SLC37A3: variants seen among roughly 807,000 people sequenced by gnomAD.
SLC37A3 encodes the protein sugar phosphate exchanger 3.
A neutral mutation model predicts 67.1 loss-of-function variants in SLC37A3; 51 were observed. The observed-to-expected ratio is 0.76, with a 90% CI of 0.61 to 0.96. SLC37A3 has a LOEUF of 0.96. Ranked by LOEUF, SLC37A3 falls within the 40% of genes least tolerant of loss-of-function variation. The probability of loss-of-function intolerance (pLI) is 0.00; values close to 1 mark genes in which losing one functional copy is unlikely to be tolerated. For missense variants in SLC37A3, 508 were observed against 603.0 expected (o/e 0.84, Z 1.65); for synonymous variants, 214 against 231.4 (o/e 0.92, Z 0.68).
At chr7:140,390,926 C>T (rs908099599) in intron 1 of SLC37A3, among the ~76,000 whole-genome samples, 1 of 152,134 alleles carries the variant, frequency 6.6e-6, no homozygotes, top group Non-Finnish European at 1.5e-5. Context: ...ATCTACAGTG[C>T]CCTTCCTTGT....
intron 3 of SLC37A3, chr7:140,380,067 T>C (rs942929882): frequency 1.5e-5 from 5 of 322,978 alleles, no homozygotes; most frequent in African/African-American, 1.1e-4. Flanking sequence ...AAAGGTGTGA[T>C]TTCTCAACAG....
chr7:140,342,486 C>T (rs1192111222), intron 13 of SLC37A3, among the ~76,000 whole-genome samples: 2 of 152,168 alleles, frequency 1.3e-5, no homozygotes, highest in Non-Finnish European at 2.9e-5. Context: ...ACTCGGCCAA[C>T]ATTCTCTTTC....
intron 14 of SLC37A3, 144 bp from the exon 15 acceptor site, chr7:140,335,648 A>T: frequency 9.2e-7 from 1 of 1,084,652 alleles, no homozygotes; most frequent in Non-Finnish European, 1.3e-6. Context: ...TGAATTAGAA[A>T]ATGATTTTGA....
intron 3 of SLC37A3, among the ~76,000 whole-genome samples, chr7:140,371,126 C>G (rs1438433035): frequency 1.3e-5 from 2 of 152,176 alleles, no homozygotes; most frequent in African/African-American, 4.8e-5. Flanking sequence ...GCTCTCACAG[C>G]ACCTCAGTGG....
intron 4 of SLC37A3, 119 bp from the exon 5 acceptor site, chr7:140,364,610 AT>A: frequency 2.2e-6 from 2 of 889,594 alleles, no homozygotes; most frequent in Non-Finnish European, 3.4e-6. Context: ...TCTTATACAC[AT>A]GCCGAGGCTA....
intron 4 of SLC37A3, among the ~76,000 whole-genome samples, chr7:140,367,020 C>T (rs569253145): frequency 4.2e-4 from 63 of 151,782 alleles, no homozygotes; most frequent in South Asian, 1.5e-3. Context: ...TGTCTGCAGT[C>T]CCAGCTACTC....
chr7:140,357,511 T>C (rs1484868057), intron 6 of SLC37A3, among the ~76,000 whole-genome samples: 1 of 150,768 alleles, frequency 6.6e-6, no homozygotes, highest in African/African-American at 2.4e-5. Flanking sequence ...GCAGAATAGC[T>C]TGAGGCCATG....
chr7:140,394,918 T>G (rs974525825), intron 1 of SLC37A3, among the ~76,000 whole-genome samples: 1 of 151,638 alleles, frequency 6.6e-6, no homozygotes, highest in Non-Finnish European at 1.5e-5. Context: ...TCATAAAATT[T>G]TTTAAAAAAG....
Position 140,358,794 on chromosome 7 carries a change from G to A in SLC37A3, c.376-9C>T. ...GCACCAAAGACAAACACCTTGAAGA[G>A]GAGGAAACAAAAGGAATATGTAACA... On this transcript the variant is annotated splice_polypyrimidine_tract_variant and intron_variant, in intron 5 of 14. Coordinates refer to ENST00000326232, the MANE Select transcript of SLC37A3 (RefSeq NM_207113.3). 6.2e-7 allele frequency: 1 copy of A among 1,613,468 alleles called. No homozygotes were observed. Among genetic ancestry groups the A allele is most frequent in the African/African-American group, 1.3e-5 (1 of 75,026 alleles).
At chr7:140,376,244 C>G (rs1419987625) in intron 3 of SLC37A3, among the ~76,000 whole-genome samples, 1 of 152,082 alleles carries the variant, frequency 6.6e-6, no homozygotes, top group Non-Finnish European at 1.5e-5. Context: ...CAAAGTAGGA[C>G]TAACAAACAG....
chr7:140,362,648 C>A (rs1797385850), intron 5 of SLC37A3, among the ~76,000 whole-genome samples: 1 of 59,500 alleles, frequency 1.7e-5, no homozygotes, highest in African/African-American at 6.3e-5. Flanking sequence ...CTCTGCCCGG[C>A]CAGCCGCCCC....
chr7:140,340,293 C>CTT (rs35512830), intron 13 of SLC37A3, among the ~76,000 whole-genome samples: 18 of 141,904 alleles, frequency 1.3e-4, no homozygotes, highest in Non-Finnish European at 2.1e-4. Flanking sequence ...CAACCTCATT[C>CTT]TTTTTTTTTT....
At chr7:140,337,460 T>A in intron 13 of SLC37A3, 111 bp from the exon 14 acceptor site, 1 of 872,202 alleles carries the variant, frequency 1.1e-6, no homozygotes. Context: ...GGGAACAGGA[T>A]TTGTATGTTT....
intron 1 of SLC37A3, among the ~76,000 whole-genome samples, chr7:140,383,223 G>A (rs1429643461): frequency 6.6e-6 from 1 of 151,786 alleles, no homozygotes; most frequent in African/African-American, 2.4e-5. Flanking sequence ...GAATTTCCAG[G>A]GATCTATTCC....
At chr7:140,398,107 G>C (rs1382633169) in intron 1 of SLC37A3, among the ~76,000 whole-genome samples, 1 of 152,164 alleles carries the variant, frequency 6.6e-6, no homozygotes, top group African/African-American at 2.4e-5. Flanking sequence ...CCAGACCCAC[G>C]GCCGGAGGAC....
At chr7:140,343,691 C>G in intron 12 of SLC37A3, 128 bp from the exon 13 acceptor site, 1 of 916,764 alleles carries the variant, frequency 1.1e-6, no homozygotes, top group Non-Finnish European at 1.6e-6. Flanking sequence ...AAGGAAACCC[C>G]CAGATAGTAT....
rs76477595 is a variant in SLC37A3 at position 140,392,174 on chromosome 7, G to A, written c.-71+6242C>T. Among the ~76,000 whole-genome samples, 595 of 151,986 alleles carry A rather than the reference G, an allele frequency of 3.9e-3. 12 individuals carry two copies. Among genetic ancestry groups the A allele is most frequent in the East Asian group, 0.039 (199 of 5,158 alleles). ...CATCTAAGCAGGAAGATAACTGAAG[G>A]TCCTGGCTGGAGCTATACTCCAGTG... On this transcript the variant is annotated intron_variant, in intron 1 of 14. Transcript: ENST00000326232.
chr7:140,389,795 ATTTC>A (rs1343004065), intron 1 of SLC37A3, among the ~76,000 whole-genome samples: 1 of 152,136 alleles, frequency 6.6e-6, no homozygotes, highest in Non-Finnish European at 1.5e-5. Flanking sequence ...ATTATTTCTA[ATTTC>A]ACTTTCTATA....
intron 10 of SLC37A3, among the ~76,000 whole-genome samples, chr7:140,347,746 T>G (rs1483191256): frequency 6.9e-6 from 1 of 145,864 alleles, no homozygotes; most frequent in East Asian, 2.1e-4. Flanking sequence ...TTGTTGATAC[T>G]TCTAGCTACA....
Sources: allele counts gnomAD v4.1 joint callset (sites outside exome capture counted in the v4.1 genomes callset), GRCh38; gene constraint gnomAD v4.1.1; transcripts MANE v1.5; gene names NCBI Gene and HGNC (gene_info 2026-07-23, HGNC 2026-07-21).